The following ABCC2 variants were observed in gnomAD, a reference collection of about 807,000 sequenced individuals.
ABCC2 encodes the protein ATP-binding cassette sub-family C member 2.
In ABCC2, 157 loss-of-function variants were observed where a neutral mutation model predicts 173.4. The ratio of observed to expected loss-of-function variants is 0.91; its 90% confidence interval spans 0.80 to 1.03. The LOEUF is 1.03. Among genes scored for constraint, ABCC2 ranks in the 50% least tolerant of loss-of-function variants. ABCC2 has a pLI of 0.00. For missense variants in ABCC2, 1,822 were observed against 1,852.3 expected (o/e 0.98, Z 0.30); for synonymous variants, 657 against 693.5 (o/e 0.95, Z 0.83).
chr10:99,791,490 T>C (rs1320213514), intron 2 of ABCC2, among the ~76,000 whole-genome samples: 1 of 152,174 alleles, frequency 6.6e-6, no homozygotes, highest in African/African-American at 2.4e-5. Context: ...TATAACAAAA[T>C]ACCCCAAAAC....
chr10:99,802,867 A>T (rs72838105), intron 9 of ABCC2, among the ~76,000 whole-genome samples: 5,173 of 152,312 alleles, frequency 0.034, 133 homozygotes, highest in Middle Eastern at 0.17. Context: ...TGTGGCTATC[A>T]GCCTCCTGAC....
chr10:99,849,606 C>T (rs1481782160), intron 30 of ABCC2, among the ~76,000 whole-genome samples: 2 of 152,114 alleles, frequency 1.3e-5, no homozygotes, highest in African/African-American at 2.4e-5. Context: ...GACAAAGTGG[C>T]GCCTCAGCAA....
Position 99,834,420 on chromosome 10 carries a change from G to A in ABCC2, c.3299G>A (p.Arg1100His), listed in dbSNP as rs145186820. The A allele has an allele frequency of 4.0e-5, 65 of 1,614,058 alleles. No individual in the cohort carries two copies. Among genetic ancestry groups the A allele is most frequent in the African/African-American group, 2.0e-4 (15 of 74,976 alleles). ...TVDDTLPQSL[R>H]SWITCFLGII... ...GATGACACCCTGCCTCAGTCCTTGC[G>A]CAGCTGGATTACATGCTTCCTGGGG... Residue 1100 changes from arginine to histidine, a missense_variant, in exon 24 of 32, where the codon CGC becomes CAC. Physicochemically the swap from Arg to His is conservative, Grantham distance 29 (BLOSUM62 0). Transcript: ENST00000647814.
At chr10:99,814,120 CACACATATGTGTGTATATAT>C (rs1223110231) in intron 16 of ABCC2, among the ~76,000 whole-genome samples, 2 of 131,606 alleles carry the variant, frequency 1.5e-5, no homozygotes, top group Non-Finnish European at 3.3e-5. Flanking sequence ...TGTGTATATA[CACACATATGTGTGTATATAT>C]ACACACATGT....
At chr10:99,815,746 C>G (rs568747562) in intron 16 of ABCC2, among the ~76,000 whole-genome samples, 1 of 151,840 alleles carries the variant, frequency 6.6e-6, no homozygotes, top group South Asian at 2.1e-4. Flanking sequence ...ACCTGCTTGA[C>G]AAAAAAATGT....
intron 9 of ABCC2, 144 bp from the exon 10 acceptor site, chr10:99,803,875 A>C: frequency 1.0e-6 from 1 of 996,350 alleles, no homozygotes; most frequent in South Asian, 1.5e-5. Flanking sequence ...TAAGATTTGG[A>C]GGCAAGAAGT....
At chr10:99,792,194 G>T in intron 2 of ABCC2, 40 bp from the exon 3 acceptor site, 1 of 1,612,608 alleles carries the variant, frequency 6.2e-7, no homozygotes, top group Non-Finnish European at 8.5e-7. Context: ...GCCTTATAAA[G>T]AATGATATCC....
intron 25 of ABCC2, 99 bp downstream of exon 25, chr10:99,836,389 T>C (rs2133125149): frequency 8.2e-7 from 1 of 1,222,002 alleles, no homozygotes; most frequent in African/African-American, 1.5e-5. Context: ...GGTGTGAAAT[T>C]CACTCTGGCC....
chr10:99,785,069 A>G (rs1428118812), intron 2 of ABCC2, among the ~76,000 whole-genome samples: 3 of 152,234 alleles, frequency 2.0e-5, no homozygotes, highest in African/African-American at 7.2e-5. Context: ...CATTTGAGAA[A>G]TGAACACTGG....
intron 16 of ABCC2, among the ~76,000 whole-genome samples, chr10:99,816,878 C>T (rs1390080004): frequency 6.6e-6 from 1 of 152,148 alleles, no homozygotes; most frequent in African/African-American, 2.4e-5. Context: ...CCATCTCCCA[C>T]CACCACCCCA....
chr10:99,814,497 ATATG>A (rs1180162678), intron 16 of ABCC2, among the ~76,000 whole-genome samples: 1 of 116,286 alleles, frequency 8.6e-6, no homozygotes, highest in Non-Finnish European at 1.9e-5. Context: ...ACACAAACAT[ATATG>A]TGTGTGTATG....
intron 9 of ABCC2, among the ~76,000 whole-genome samples, chr10:99,801,794 T>A (rs1014007862): frequency 6.6e-6 from 1 of 152,226 alleles, no homozygotes; most frequent in East Asian, 1.9e-4. Flanking sequence ...CTATTACAGT[T>A]CCTACTTTTC....
chr10:99,807,207 C>G (rs2038124328), intron 11 of ABCC2, among the ~76,000 whole-genome samples, 177 bp from the exon 12 acceptor site: 1 of 152,216 alleles, frequency 6.6e-6, no homozygotes, highest in Non-Finnish European at 1.5e-5. Context: ...ATTTAAAATG[C>G]TTTGTACATA....
intron 8 of ABCC2, 141 bp from the exon 9 acceptor site, chr10:99,800,245 G>A (rs1381936470): frequency 5.5e-6 from 5 of 901,954 alleles, no homozygotes; most frequent in Non-Finnish European, 9.2e-6. Context: ...TGTAGACTTA[G>A]GTCTTTCAAA....
At chr10:99,847,631 T>C (rs76819061) in intron 30 of ABCC2, among the ~76,000 whole-genome samples, 1,544 of 146,578 alleles carry the variant, frequency 0.011, 32 homozygotes, top group African/African-American at 0.036. Context: ...TTGAAAACCT[T>C]TGTTATTGGC....
At chr10:99,817,246 G>A (rs1438056297) in intron 16 of ABCC2, 62 bp from the exon 17 acceptor site, 13 of 1,536,158 alleles carry the variant, frequency 8.5e-6, no homozygotes, top group South Asian at 5.6e-5. Flanking sequence ...CAGCCACCCC[G>A]TCCTTCAACC....
intron 19 of ABCC2, among the ~76,000 whole-genome samples, chr10:99,824,726 C>A (rs2038598416): frequency 6.6e-6 from 1 of 152,242 alleles, no homozygotes; most frequent in Admixed American, 6.5e-5. Context: ...GGATCATGGC[C>A]AGAGAGGGCA....
intron 19 of ABCC2, 68 bp downstream of exon 19, chr10:99,819,337 T>G: frequency 4.9e-6 from 7 of 1,435,970 alleles, no homozygotes; most frequent in Non-Finnish European, 6.8e-6. Flanking sequence ...AATATCTAAT[T>G]CCTGAACTGC....
chr10:99,793,721 C>A (rs1336652040), intron 4 of ABCC2, 36 bp downstream of exon 4: 2 of 1,613,746 alleles, frequency 1.2e-6, no homozygotes, highest in Non-Finnish European at 8.5e-7. Context: ...TGAGGAGGTA[C>A]CATGGGGCAA....
Sources: gnomAD v4.1 joint callset for allele counts (sites outside exome capture counted in the v4.1 genomes callset) on GRCh38, gnomAD v4.1.1 for gene constraint, MANE v1.5 for transcripts, NCBI Gene and HGNC (gene_info 2026-07-23, HGNC 2026-07-21) for gene names.